Variants in TMEM161B observed in about 807,000 individuals in gnomAD.
TMEM161B encodes transmembrane protein 161B.
In TMEM161B, 34 loss-of-function variants were observed where a neutral mutation model predicts 61.8. The observed-to-expected ratio is 0.55, with a 90% CI of 0.42 to 0.73. The LOEUF (loss-of-function observed/expected upper bound fraction) is 0.73, where lower values mean the gene tolerates loss of function less well. Ranked by LOEUF, TMEM161B falls within the 30% of genes least tolerant of loss-of-function variation. The probability of loss-of-function intolerance (pLI) is 0.00; values close to 1 mark genes in which losing one functional copy is unlikely to be tolerated. For synonymous variants in TMEM161B, 167 were observed against 192.8 expected, an observed-to-expected ratio of 0.87 and a Z score of 1.11; for missense variants, 456 against 558.5, an observed-to-expected ratio of 0.82 and a Z score of 1.85.
Position 88,206,510 on chromosome 5 carries a change from A to G in TMEM161B, c.599-11T>C, listed in dbSNP as rs1482624319. On this transcript the variant is annotated splice_polypyrimidine_tract_variant and intron_variant, in intron 6 of 11. Transcript: ENST00000296595. Reference sequence around the variant, plus strand: ...AAAAATTTGTAAACCCTGTGGGGGAAAAAAAAAAAAACAACAGATTACTCT... The same window carrying G: ...AAAAATTTGTAAACCCTGTGGGGGAGAAAAAAAAAAACAACAGATTACTCT... 2 of 1,529,220 alleles carry G rather than the reference A, an allele frequency of 1.3e-6. No individual in the cohort carries two copies. The highest frequency in any genetic ancestry group is 4.6e-5 in the East Asian group (2 of 43,224). 94.7% of individuals were successfully genotyped at this position (1,529,220 alleles called of 1,614,324 possible). A position where few individuals can be genotyped will look rare whatever the true frequency, so the allele number is the denominator to read the frequency against.
At position 88,232,623 on chromosome 5, in the gene TMEM161B, G is replaced by A. The variant is rs192423887; in HGVS notation, c.108-4095C>T. 2.9e-3 allele frequency among the ~76,000 whole-genome samples: 434 copies of A among 152,070 alleles called. 3 individuals are homozygous for A. Among genetic ancestry groups the A allele is most frequent in the Middle Eastern group, 0.027 (8 of 294 alleles). ...GAGTCTCACTCTGTCACCCAGGCTG[G>A]AGTGCGGTAGCACGATCTTGGCTGA... On this transcript the variant is annotated intron_variant, in intron 2 of 11. Transcript: ENST00000296595.
In TMEM161B at chr5:88,248,714, G is replaced by GA. The variant is rs11286517; in HGVS notation, c.4-7799dup. On this transcript the variant is annotated intron_variant, in intron 1 of 11. Coordinates refer to ENST00000296595, the MANE Select transcript of TMEM161B (RefSeq NM_153354.5). Reference sequence around the variant, plus strand: ...ATGGAGAAACAATTCAGTCGACTGAGAAAAAAAAAAAAAAAAACAACTTTT... The same window carrying GA: ...ATGGAGAAACAATTCAGTCGACTGAGAAAAAAAAAAAAAAAAAACAACTTTT... 1.9e-3 allele frequency among the ~76,000 whole-genome samples: 226 copies of GA among 117,542 alleles called. 4 individuals are homozygous for GA. In the South Asian group the frequency reaches 0.029, roughly 15 times the overall value. 77.1% of individuals were successfully genotyped at this position (117,542 alleles called of 152,430 possible). A position where few individuals can be genotyped will look rare whatever the true frequency, so the allele number is the denominator to read the frequency against.
At chr5:88,224,129 C>T (rs1239078582) in intron 4 of TMEM161B, among the ~76,000 whole-genome samples, 1 of 152,160 alleles carries the variant, frequency 6.6e-6, no homozygotes, top group Non-Finnish European at 1.5e-5. Flanking sequence ...GGTCAAATTA[C>T]ATAATGACAC....
At position 88,268,768 on chromosome 5, in the gene TMEM161B, G is replaced by A. The variant is rs1338949584; in HGVS notation, c.-45C>T. 6.2e-7 allele frequency: 1 copy of A among 1,613,776 alleles called. No homozygotes were observed. Among genetic ancestry groups the A allele is most frequent in the South Asian group, 1.1e-5 (1 of 91,054 alleles). On this transcript the variant is annotated 5_prime_UTR_variant, in exon 1 of 12. Transcript: ENST00000296595. Reference sequence around the variant, plus strand: ...GGACCAGACACCCTGGAGTTGCCGGGGCAGTCCCAAACCTCTTACCTCCCG... The same window carrying A: ...GGACCAGACACCCTGGAGTTGCCGGAGCAGTCCCAAACCTCTTACCTCCCG...
At chr5:88,244,016 T>C (rs927423485) in intron 1 of TMEM161B, among the ~76,000 whole-genome samples, 1 of 152,124 alleles carries the variant, frequency 6.6e-6, no homozygotes, top group East Asian at 1.9e-4. Context: ...AAGTTCCTTA[T>C]ACATTCAGAA....
chr5:88,238,784 A>C (rs1321759481), intron 2 of TMEM161B, among the ~76,000 whole-genome samples: 1 of 152,062 alleles, frequency 6.6e-6, no homozygotes, highest in Non-Finnish European at 1.5e-5. Context: ...CAAAAGGATA[A>C]AATCAATAAT....
intron 1 of TMEM161B, among the ~76,000 whole-genome samples, chr5:88,267,273 C>T (rs183580550): frequency 6.6e-6 from 1 of 152,054 alleles, no homozygotes. Flanking sequence ...TCTGTTTTCC[C>T]TATCCTTGTC....
rs552105353 is a variant in TMEM161B at position 88,268,842 on chromosome 5, C to T, written c.-119G>A. The T allele has an allele frequency of 2.6e-6, 4 of 1,558,644 alleles. No homozygotes were observed. The African/African-American group carries it at 5.5e-5, about 21-fold the overall frequency. On this transcript the variant is annotated 5_prime_UTR_variant, in exon 1 of 12. Transcript: ENST00000296595. ...AACAGCGAAAGAGAGGGTCTTCCGG[C>T]TCTGCCGGAAGTTGTGCGCGCGCGG... is the stretch of plus-strand genomic sequence containing the variant.
At chr5:88,203,194 C>A in intron 8 of TMEM161B, 119 bp from the exon 9 acceptor site, 1 of 615,566 alleles carries the variant, frequency 1.6e-6, no homozygotes, top group Non-Finnish European at 2.9e-6. Flanking sequence ...CTACTACTTA[C>A]GATACTACTG....
At chr5:88,240,715 C>T in intron 2 of TMEM161B, 98 bp downstream of exon 2, 2 of 1,003,528 alleles carry the variant, frequency 2.0e-6, no homozygotes, top group Non-Finnish European at 3.0e-6. Context: ...TTATGACTTC[C>T]TTTTGTTAAA....
At chr5:88,230,090 G>A (rs1419686180) in intron 2 of TMEM161B, among the ~76,000 whole-genome samples, 1 of 152,032 alleles carries the variant, frequency 6.6e-6, no homozygotes, top group Non-Finnish European at 1.5e-5. Flanking sequence ...AGAGGGTGAG[G>A]TGGGAGGACT....
downstream of TMEM161B, among the ~76,000 whole-genome samples, chr5:88,188,903 TC>T (rs1284260900): frequency 1.3e-5 from 2 of 152,142 alleles, no homozygotes; most frequent in African/African-American, 4.8e-5. Context: ...ACTTCCTTCT[TC>T]TTGTTTTTCA....
intron 2 of TMEM161B, 94 bp downstream of exon 2, chr5:88,240,719 T>C: frequency 9.8e-7 from 1 of 1,018,774 alleles, no homozygotes; most frequent in Non-Finnish European, 1.5e-6. Context: ...GACTTCCTTT[T>C]GTTAAAGTTT....
intron 2 of TMEM161B, among the ~76,000 whole-genome samples, chr5:88,237,360 C>G (rs1323319238): frequency 2.0e-5 from 3 of 152,118 alleles, no homozygotes; most frequent in Non-Finnish European, 4.4e-5. Flanking sequence ...CACTCACCAA[C>G]TGGCACAGCA....
intron 2 of TMEM161B, among the ~76,000 whole-genome samples, chr5:88,229,791 G>T (rs189389196): frequency 2.0e-5 from 3 of 151,330 alleles, no homozygotes; most frequent in East Asian, 2.0e-4. Flanking sequence ...TCACTTGGTT[G>T]TCCAGGGTAG....
At chr5:88,212,620 G>A (rs1747029887) in intron 5 of TMEM161B, among the ~76,000 whole-genome samples, 1 of 152,170 alleles carries the variant, frequency 6.6e-6, no homozygotes, top group Non-Finnish European at 1.5e-5. Context: ...CTGAGCTCAG[G>A]AATTCATGAC....
At chr5:88,187,304 A>G (rs1431320270), downstream of TMEM161B, among the ~76,000 whole-genome samples, 1 of 152,304 alleles carries the variant, frequency 6.6e-6, no homozygotes, top group East Asian at 1.9e-4. Context: ...ACTTTGGACA[A>G]TCTAAGTACT....
intron 1 of TMEM161B, among the ~76,000 whole-genome samples, chr5:88,256,895 T>C (rs2112754162): frequency 6.6e-6 from 1 of 152,372 alleles, no homozygotes; most frequent in African/African-American, 2.4e-5. Flanking sequence ...CAATATATTG[T>C]GCTTTCTCCT....
chr5:88,266,806 T>A (rs778083917), intron 1 of TMEM161B, among the ~76,000 whole-genome samples: 15 of 152,182 alleles, frequency 9.9e-5, no homozygotes, highest in Non-Finnish European at 1.9e-4. Flanking sequence ...ACAGACATTA[T>A]CAATTTCATA....
Sources: gnomAD v4.1 joint callset for allele counts (sites outside exome capture counted in the v4.1 genomes callset) on GRCh38, gnomAD v4.1.1 for gene constraint, MANE v1.5 for transcripts, NCBI Gene and HGNC (gene_info 2026-07-23, HGNC 2026-07-21) for gene names.